Variants in ADAMTS20 observed in about 807,000 individuals in gnomAD.
The protein encoded by ADAMTS20 is ADAM metallopeptidase with thrombospondin type 1 motif 20.
In ADAMTS20, 225 loss-of-function variants were observed where a neutral mutation model predicts 260.1. The ratio of observed to expected loss-of-function variants is 0.87; its 90% CI spans 0.78 to 0.97. ADAMTS20 has a LOEUF of 0.97. Among genes scored for constraint, ADAMTS20 ranks in the 50% least tolerant of loss-of-function variants. ADAMTS20 has a pLI of 0.00. For missense variants in ADAMTS20, 2,400 were observed against 2,337.7 expected (o/e 1.03, Z -0.55); for synonymous variants, 802 against 769.5 (o/e 1.04, Z -0.70).
intron 28 of ADAMTS20, among the ~76,000 whole-genome samples, chr12:43,406,759 T>A (rs1940927352): frequency 6.6e-6 from 1 of 152,068 alleles, no homozygotes; most frequent in South Asian, 2.1e-4. Flanking sequence ...TACTTTGTAA[T>A]TGAGGGAATT....
chr12:43,549,800 T>C (rs1312243346), intron 2 of ADAMTS20, among the ~76,000 whole-genome samples: 1 of 152,132 alleles, frequency 6.6e-6, no homozygotes, highest in Non-Finnish European at 1.5e-5. Context: ...AGATAATCAC[T>C]TGAAAAAGAG....
Position 43,551,826 on chromosome 12 carries a change from T to G in ADAMTS20, c.91+5A>C, listed in dbSNP as rs759263657. The G allele has an allele frequency of 3.3e-6, 5 of 1,508,118 alleles. No individual in the cohort carries two copies. The highest frequency in any genetic ancestry group is 4.5e-6 in the Non-Finnish European group (5 of 1,108,046). The allele number at this position is 1,508,118 out of a possible 1,614,324, so 93.4% of individuals were successfully genotyped here. A position where few individuals can be genotyped will look rare whatever the true frequency, so the allele number is the denominator to read the frequency against. On this transcript the variant is annotated splice_donor_5th_base_variant and intron_variant, in intron 1 of 38. Transcript: ENST00000389420. This position sits in a 1 kb window ranked among gnomAD's most constrained non-coding sequence, Gnocchi z 4.6. ...GCCGCTGAAGGCGTCTCGCGGTGAC[T>G]TTACCTTGCCTGGGGTGGAAGTCAA...
chr12:43,429,660 A>C lies in ADAMTS20; in HGVS notation c.3446T>G (p.Leu1149Arg), dbSNP rs758858364. ...KLETALLPTVLIKKMAQWRHG... is the reference protein window; with the variant it reads ...KLETALLPTVRIKKMAQWRHG... ...TCGCCATTGTGCCATCTTTTTTATG[A>C]GAACAGTTGGTAATAAAGCGGTCTC... The change falls in exon 24 of 39, where the codon CTC (leucine) becomes CGC (arginine). Residue 1149 changes from leucine to arginine, a missense_variant. Leu to Arg is a moderately radical substitution (Grantham distance 102, BLOSUM62 -2). Coordinates refer to ENST00000389420, the MANE Select transcript of ADAMTS20 (RefSeq NM_025003.5). 1.2e-6 allele frequency: 2 copies of C among 1,601,014 alleles called. No homozygotes were observed. Among genetic ancestry groups the C allele is most frequent in the Admixed American group, 3.4e-5 (2 of 58,472 alleles).
intron 28 of ADAMTS20, among the ~76,000 whole-genome samples, chr12:43,410,446 G>A (rs760681607): frequency 2.2e-4 from 33 of 152,254 alleles, no homozygotes; most frequent in Admixed American, 7.2e-4. Flanking sequence ...ATCCTCCCTA[G>A]GAAAAATGAA....
intron 7 of ADAMTS20, among the ~76,000 whole-genome samples, chr12:43,474,421 C>T (rs1244721864): frequency 6.6e-6 from 1 of 150,914 alleles, no homozygotes; most frequent in Non-Finnish European, 1.5e-5. Context: ...CAAGGAGGAA[C>T]TGGTACCATT....
At chr12:43,419,321 TCCTAACA>T (rs1941186995) in intron 28 of ADAMTS20, among the ~76,000 whole-genome samples, 1 of 152,054 alleles carries the variant, frequency 6.6e-6, no homozygotes, top group South Asian at 2.1e-4. Flanking sequence ...AAATGTTTAT[TCCTAACA>T]AGGAATAAAC....
At chr12:43,441,911 T>C (rs1306957326) in intron 16 of ADAMTS20, among the ~76,000 whole-genome samples, 1 of 152,170 alleles carries the variant, frequency 6.6e-6, no homozygotes, top group Non-Finnish European at 1.5e-5. Context: ...AGTATAACTG[T>C]CTTTATGTAT....
intron 31 of ADAMTS20, among the ~76,000 whole-genome samples, chr12:43,379,872 C>T (rs1245708375): frequency 6.6e-6 from 1 of 151,946 alleles, no homozygotes; most frequent in Non-Finnish European, 1.5e-5. Flanking sequence ...GGACCAAATG[C>T]TTAAAGAAGA....
chr12:43,358,782 A>G (rs1157370508), intron 37 of ADAMTS20, among the ~76,000 whole-genome samples: 1 of 141,668 alleles, frequency 7.1e-6, no homozygotes, highest in Non-Finnish European at 1.5e-5. Context: ...GCTTGCAGTG[A>G]GTCGAGATCG....
At chr12:43,549,380 T>C (rs1943482795) in intron 2 of ADAMTS20, among the ~76,000 whole-genome samples, 1 of 152,018 alleles carries the variant, frequency 6.6e-6, no homozygotes. Context: ...CAAAAATCTT[T>C]AACTGCTTTC....
intron 7 of ADAMTS20, among the ~76,000 whole-genome samples, chr12:43,470,611 C>T (rs1046398588): frequency 3.9e-5 from 6 of 152,296 alleles, no homozygotes; most frequent in Non-Finnish European, 7.4e-5. Flanking sequence ...AAGCTTGATA[C>T]AGGTTCCCTG....
At chr12:43,544,868 T>C (rs140285626) in intron 2 of ADAMTS20, among the ~76,000 whole-genome samples, 175 of 152,312 alleles carry the variant, frequency 1.1e-3, no homozygotes, top group African/African-American at 3.9e-3. Flanking sequence ...AGGGGTCTCC[T>C]GCAAGGCTGC....
intron 28 of ADAMTS20, among the ~76,000 whole-genome samples, chr12:43,405,244 A>C (rs939567119): frequency 5.1e-5 from 7 of 136,422 alleles, no homozygotes; most frequent in African/African-American, 1.6e-4. Flanking sequence ...AAAAAAAAAA[A>C]AAAAAAAAAA....
At chr12:43,538,999 C>T (rs1447689914) in intron 2 of ADAMTS20, among the ~76,000 whole-genome samples, 1 of 140,836 alleles carries the variant, frequency 7.1e-6, no homozygotes, top group African/African-American at 2.7e-5. Context: ...ATCACACAGA[C>T]TGGAGTGCAG....
chr12:43,399,464 C>T (rs1940767669), intron 28 of ADAMTS20, among the ~76,000 whole-genome samples: 1 of 152,100 alleles, frequency 6.6e-6, no homozygotes, highest in Non-Finnish European at 1.5e-5. Context: ...ATTTATTCTA[C>T]AAAAATGTAT....
intron 29 of ADAMTS20, among the ~76,000 whole-genome samples, chr12:43,392,557 T>A (rs1348648676): frequency 1.3e-5 from 2 of 152,116 alleles, no homozygotes; most frequent in Non-Finnish European, 2.9e-5. Flanking sequence ...TTTTTAGGAA[T>A]AAAAGTACAA....
intron 38 of ADAMTS20, among the ~76,000 whole-genome samples, chr12:43,354,708 G>T (rs1013126989): frequency 6.8e-6 from 1 of 147,596 alleles, no homozygotes; most frequent in East Asian, 1.9e-4. Context: ...ATAAAAGAAA[G>T]ATATTGTACA....
At position 43,378,526 on chromosome 12, in the gene ADAMTS20, C is replaced by T. The variant is rs561057687; in HGVS notation, c.4798-964G>A. On this transcript the variant is annotated intron_variant, in intron 31 of 38. Transcript: ENST00000389420. ...GAGGAACAGTTAACCCTAGATTAAA[C>T]AATATACTGATCTGCCTACAAAATC... Among the ~76,000 whole-genome samples the T allele has an allele frequency of 2.7e-4, 41 of 152,288 alleles. No individual in the cohort carries two copies. The South Asian group carries it at 8.1e-3, about 30-fold the overall frequency.
chr12:43,529,681 T>C (rs1943194312), intron 3 of ADAMTS20, among the ~76,000 whole-genome samples: 1 of 151,996 alleles, frequency 6.6e-6, no homozygotes, highest in South Asian at 2.1e-4. Context: ...GGGTGCGGAA[T>C]AAAAATCTAC....
Sources: gnomAD v4.1 joint callset for allele counts (sites outside exome capture counted in the v4.1 genomes callset) on GRCh38, gnomAD v4.1.1 for gene constraint, Gnocchi (gnomAD v3.1) non-coding constraint, MANE v1.5 for transcripts, NCBI Gene and HGNC (gene_info 2026-07-23, HGNC 2026-07-21) for gene names.